The following SCARA3 variants were observed in gnomAD, a reference collection of about 807,000 sequenced individuals.
The protein encoded by SCARA3 is scavenger receptor class A member 3, also known as cellular stress response gene protein.
A neutral mutation model predicts 47.0 loss-of-function variants in SCARA3; 39 were observed. The observed-to-expected ratio is 0.83, with a 90% CI of 0.64 to 1.08. The LOEUF is 1.08. SCARA3 is among the 50% of genes least tolerant of loss of function. The pLI, the probability that SCARA3 is intolerant of heterozygous loss-of-function variation, is 0.00. For missense variants in SCARA3, 724 were observed against 792.3 expected, an observed-to-expected ratio of 0.91 and a Z score of 1.04; for synonymous variants, 356 against 334.1, an observed-to-expected ratio of 1.07 and a Z score of -0.71.
chr8:27,668,992 C>T (rs1438057350), intron 5 of SCARA3, among the ~76,000 whole-genome samples: 1 of 152,066 alleles, frequency 6.6e-6, no homozygotes, highest in Non-Finnish European at 1.5e-5. Flanking sequence ...GCATCCTTGT[C>T]CCAGCGAGTC....
At chr8:27,661,674 G>GTAT (rs1011161122) in intron 5 of SCARA3, among the ~76,000 whole-genome samples, 42 of 152,122 alleles carry the variant, frequency 2.8e-4, no homozygotes, top group African/African-American at 1.0e-3. Flanking sequence ...GTTGTAGCTG[G>GTAT]TATTCATCAC....
At chr8:27,710,046 T>G in the SCARA3 span, among the ~76,000 whole-genome samples, 1 of 152,072 alleles carries the variant, frequency 6.6e-6, no homozygotes, top group Non-Finnish European at 1.5e-5. Flanking sequence ...CTGGCCAACA[T>G]GCTGAAACCG....
downstream of SCARA3, among the ~76,000 whole-genome samples, chr8:27,678,762 C>T (rs145530191): frequency 3.9e-5 from 6 of 152,182 alleles, no homozygotes; most frequent in African/African-American, 9.7e-5. Context: ...AAATTATAAA[C>T]TGGTATCCTT....
At chr8:27,675,758 C>G (rs1318654817), downstream of SCARA3, among the ~76,000 whole-genome samples, 2 of 152,058 alleles carry the variant, frequency 1.3e-5, no homozygotes, top group Non-Finnish European at 2.9e-5. Context: ...CCACTGCACT[C>G]CTCCCTGGGT....
intron 5 of SCARA3, among the ~76,000 whole-genome samples, chr8:27,660,304 T>G (rs2640732): frequency 0.38 from 57,067 of 151,626 alleles, 11,418 homozygotes; most frequent in South Asian, 0.52. Context: ...TATATATATA[T>G]AGAGAGATAG....
rs537226680 is a variant in SCARA3 at position 27,670,327 on chromosome 8, T to C, written c.1370-573T>C. Among the ~76,000 whole-genome samples, 7 of 152,294 alleles carry C rather than the reference T, an allele frequency of 4.6e-5. No homozygotes were observed. The South Asian group carries it at 1.5e-3, about 32-fold the overall frequency. ...CTGTGAGGTGACTTCTCTTTGTATG[T>C]GTCAATGAAAAGACTCACAACGTAG... On this transcript the variant is annotated intron_variant, in intron 5 of 5. Coordinates refer to ENST00000301904, the MANE Select transcript of SCARA3 (RefSeq NM_016240.3).
downstream of SCARA3, among the ~76,000 whole-genome samples, chr8:27,679,583 G>T (rs1162499802): frequency 4.6e-5 from 7 of 152,146 alleles, no homozygotes; most frequent in Non-Finnish European, 1.0e-4. Flanking sequence ...AAATCTATTA[G>T]ATTTGAGAAG....
At chr8:27,695,050 A>G in the SCARA3 span, among the ~76,000 whole-genome samples, 3 of 152,130 alleles carry the variant, frequency 2.0e-5, no homozygotes, top group Admixed American at 6.5e-5. Context: ...TATGAATTGA[A>G]CCAAATATAA....
Position 27,671,542 on chromosome 8 carries a change from ATACATGTG to A in SCARA3, c.*192_*199del. On this transcript the variant is annotated 3_prime_UTR_variant, in exon 6 of 6. Coordinates refer to ENST00000301904, the MANE Select transcript of SCARA3 (RefSeq NM_016240.3). ...ATAGGAAAGCAGCCCCTCCTCACAC[ATACATGTG>A]CACATGCACACACATGCATGCACAC... 7.8e-7 allele frequency: 1 copy of A among 1,287,752 alleles called. No individual in the cohort carries two copies. The highest frequency in any genetic ancestry group is 9.8e-7 in the Non-Finnish European group (1 of 1,022,232). The allele number at this position is 1,287,752 out of a possible 1,614,324, so 79.8% of individuals were successfully genotyped here.
intron 5 of SCARA3, among the ~76,000 whole-genome samples, chr8:27,668,798 C>T (rs1802077775): frequency 6.6e-6 from 1 of 152,146 alleles, no homozygotes; most frequent in Non-Finnish European, 1.5e-5. Context: ...ATGATTGTGC[C>T]ACTGCATTCC....
chr8:27,713,282 G>A, the SCARA3 span, among the ~76,000 whole-genome samples: 2 of 152,220 alleles, frequency 1.3e-5, no homozygotes, highest in Non-Finnish European at 2.9e-5. Flanking sequence ...TTAGATTCAA[G>A]TTTTACATCT....
chr8:27,703,707 A>G, the SCARA3 span: 1 of 152,178 alleles, frequency 6.6e-6, no homozygotes, highest in African/African-American at 2.4e-5. Flanking sequence ...AGAATCTCCT[A>G]GGAGGTTCTG....
the SCARA3 span, chr8:27,701,322 T>C: frequency 6.6e-6 from 1 of 152,214 alleles, no homozygotes; most frequent in Non-Finnish European, 1.5e-5. Flanking sequence ...TCTGGGGTGC[T>C]ATAAATATTT....
chr8:27,679,119 T>C (rs1198781191), downstream of SCARA3, among the ~76,000 whole-genome samples: 1 of 152,212 alleles, frequency 6.6e-6, no homozygotes, highest in Non-Finnish European at 1.5e-5. Flanking sequence ...TCCTCCTTCC[T>C]GTTTTTCTTC....
intron 3 of SCARA3, among the ~76,000 whole-genome samples, chr8:27,654,085 A>G (rs1426698444): frequency 6.6e-6 from 1 of 152,176 alleles, no homozygotes; most frequent in Non-Finnish European, 1.5e-5. Flanking sequence ...CGTGCATCCC[A>G]TCAGTAAAAA....
chr8:27,644,825 A>G (rs750187610), intron 1 of SCARA3, among the ~76,000 whole-genome samples: 6 of 152,186 alleles, frequency 3.9e-5, no homozygotes, highest in Non-Finnish European at 8.8e-5. Flanking sequence ...TTCTTTATAC[A>G]TGACACAGAC....
At chr8:27,730,933 G>A in the SCARA3 span, among the ~76,000 whole-genome samples, 39 of 151,092 alleles carry the variant, frequency 2.6e-4, no homozygotes, top group Admixed American at 2.6e-3. Context: ...ATTATTTTGT[G>A]GAAAAGAAAA....
At chr8:27,709,782 C>A in the SCARA3 span, among the ~76,000 whole-genome samples, 1,643 of 152,244 alleles carry the variant, frequency 0.011, 23 homozygotes, top group African/African-American at 0.036. Context: ...CTGTGATTCA[C>A]CTACTTCATC....
At chr8:27,720,944 C>T in the SCARA3 span, among the ~76,000 whole-genome samples, 1 of 152,090 alleles carries the variant, frequency 6.6e-6, no homozygotes, top group Non-Finnish European at 1.5e-5. Context: ...ATCTATTCAT[C>T]CATCCACCTA....
Sources: allele counts gnomAD v4.1 joint callset (sites outside exome capture counted in the v4.1 genomes callset), GRCh38; gene constraint gnomAD v4.1.1; transcripts MANE v1.5; gene names NCBI Gene and HGNC (gene_info 2026-07-23, HGNC 2026-07-21).